Variants in PDGFRL observed in about 807,000 individuals in gnomAD.
The protein encoded by PDGFRL is platelet derived growth factor receptor like, also known as platelet-derived growth factor receptor-like protein.
PDGFRL carries 46 observed loss-of-function variants against 37.2 expected under a neutral mutation model. The ratio of observed to expected loss-of-function variants is 1.24; its 90% CI spans 0.98 to 1.58. The LOEUF is 1.58. Among genes scored for constraint, PDGFRL ranks in the 40% most tolerant of loss-of-function variants. The probability of loss-of-function intolerance (pLI) is 0.00; values close to 1 mark genes in which losing one functional copy is unlikely to be tolerated. For synonymous variants in PDGFRL, 251 were observed against 184.3 expected (o/e 1.36, Z -2.93); for missense variants, 692 against 467.6 (o/e 1.48, Z -4.43).
In PDGFRL at chr8:17,589,565, A is replaced by G; in HGVS notation, c.153A>G (p.Lys51=). ...AGAAGGTGAAGCCCAAAATTCCTAA[A>G]ATGAAGGACAGGGACTCAGCCAATT... ...TNKKVKPKIP[K]MKDRDSANSA... Residue 51 remains lysine, a synonymous_variant, in exon 2 of 6, where the codon AAA becomes AAG. Transcript: ENST00000251630. 1 of 1,613,824 alleles carries G rather than the reference A, an allele frequency of 6.2e-7. No individual in the cohort carries two copies.
At chr8:17,624,798 C>G (rs895043989) in intron 3 of PDGFRL, among the ~76,000 whole-genome samples, 5 of 152,090 alleles carry the variant, frequency 3.3e-5, no homozygotes, top group Non-Finnish European at 5.9e-5. Flanking sequence ...ATTCCAGCTA[C>G]TCGGGAGGCT....
chr8:17,578,481 G>T (rs1185670551), intron 1 of PDGFRL, among the ~76,000 whole-genome samples: 4 of 152,226 alleles, frequency 2.6e-5, no homozygotes, highest in African/African-American at 9.6e-5. Flanking sequence ...TACTGGGAGA[G>T]TAACACTTAA....
In PDGFRL at chr8:17,604,197, A is replaced by C. The variant is rs186840741; in HGVS notation, c.353+14432A>C. Among the ~76,000 whole-genome samples, 55 of 152,328 alleles carry C rather than the reference A, an allele frequency of 3.6e-4. No homozygotes were observed. The East Asian group carries it at 9.8e-3, about 27-fold the overall frequency. ...TGTGGCGATTCCTCAGGGATCTAGA[A>C]CTAGAAATACCATTTGACCCAGCCA... On this transcript the variant is annotated intron_variant, in intron 2 of 5. Transcript: ENST00000251630.
intron 2 of PDGFRL, among the ~76,000 whole-genome samples, chr8:17,602,318 G>A (rs987970111): frequency 6.6e-6 from 1 of 152,206 alleles, no homozygotes; most frequent in Non-Finnish European, 1.5e-5. Context: ...AGAGGGACAA[G>A]CTGGCAAGTG....
Position 17,628,670 on chromosome 8 carries a change from G to A in PDGFRL, c.689G>A (p.Gly230Asp), listed in dbSNP as rs376947458. The change falls in exon 4 of 6, where the codon GGC becomes GAC. Residue 230 changes from glycine to aspartate, a missense_variant. Gly to Asp is a moderately conservative substitution (Grantham distance 94). Transcript: ENST00000251630. ...GACATTGTTTATGACATGAAGCGGG[G>A]CTTTGTGTATCTGCAACCTCATTCC... ...GTDIVYDMKR[G>D]FVYLQPHSEH... The A allele has an allele frequency of 6.2e-7, 1 of 1,614,028 alleles. No homozygotes were observed. Among genetic ancestry groups the A allele is most frequent in the African/African-American group, 1.3e-5 (1 of 74,936 alleles).
At chr8:17,628,342 T>G (rs1224958376) in intron 3 of PDGFRL, 145 bp from the exon 4 acceptor site, 1 of 640,628 alleles carries the variant, frequency 1.6e-6, no homozygotes, top group Non-Finnish European at 2.8e-6. Context: ...TTCCAAAAAA[T>G]GAAAAGCATT....
At chr8:17,580,493 A>G (rs957530045) in intron 1 of PDGFRL, among the ~76,000 whole-genome samples, 4 of 143,588 alleles carry the variant, frequency 2.8e-5, no homozygotes, top group Non-Finnish European at 6.1e-5. Flanking sequence ...CAGAAAGAGA[A>G]AAGTTTGAGG....
intron 3 of PDGFRL, 72 bp from the exon 4 acceptor site, chr8:17,628,415 C>A (rs1804780865): frequency 8.1e-7 from 1 of 1,240,402 alleles, no homozygotes; most frequent in Non-Finnish European, 1.2e-6. Flanking sequence ...GAGTATGCTG[C>A]CAAAATCCTT....
chr8:17,590,627 G>A (rs1018172407), intron 2 of PDGFRL, among the ~76,000 whole-genome samples: 2 of 151,786 alleles, frequency 1.3e-5, no homozygotes, highest in African/African-American at 2.4e-5. Context: ...CAGAAGAGTC[G>A]CTTGAACCCG....
intron 1 of PDGFRL, among the ~76,000 whole-genome samples, chr8:17,577,768 C>G (rs1294053386): frequency 1.3e-5 from 2 of 151,600 alleles, no homozygotes; most frequent in Non-Finnish European, 2.9e-5. Flanking sequence ...TGACCTCCCC[C>G]TCCCCTCGCA....
At chr8:17,581,307 C>G (rs1017174394) in intron 1 of PDGFRL, among the ~76,000 whole-genome samples, 1 of 152,134 alleles carries the variant, frequency 6.6e-6, no homozygotes, top group Admixed American at 6.5e-5. Context: ...GGGCTTGTAC[C>G]GGTTGCCAGT....
chr8:17,637,853 T>C (rs898758116), intron 5 of PDGFRL, among the ~76,000 whole-genome samples: 1 of 152,166 alleles, frequency 6.6e-6, no homozygotes, highest in African/African-American at 2.4e-5. Context: ...AGCTTGAGTA[T>C]GTAAAGCTGT....
At chr8:17,612,392 G>C (rs1275551063) in intron 2 of PDGFRL, among the ~76,000 whole-genome samples, 1 of 149,758 alleles carries the variant, frequency 6.7e-6, no homozygotes, top group Admixed American at 6.7e-5. Context: ...CTTTTTTTGA[G>C]ACAGTGTCTC....
intron 4 of PDGFRL, among the ~76,000 whole-genome samples, chr8:17,629,232 C>T (rs1483101425): frequency 6.6e-6 from 1 of 152,004 alleles, no homozygotes; most frequent in Non-Finnish European, 1.5e-5. Flanking sequence ...GCTCGGCCCA[C>T]TTATGCCGTT....
intron 2 of PDGFRL, among the ~76,000 whole-genome samples, chr8:17,615,359 G>A (rs1261708245): frequency 6.6e-6 from 1 of 152,050 alleles, no homozygotes; most frequent in Non-Finnish European, 1.5e-5. Flanking sequence ...TTTACAAGCT[G>A]TTAGAGGTGC....
chr8:17,626,455 C>G (rs946367298), intron 3 of PDGFRL, among the ~76,000 whole-genome samples: 1 of 152,162 alleles, frequency 6.6e-6, no homozygotes, highest in Non-Finnish European at 1.5e-5. Context: ...TGTTAGTGAA[C>G]TTGGTACTTA....
chr8:17,641,416 A>T (rs1040914075), intron 5 of PDGFRL, among the ~76,000 whole-genome samples: 2 of 152,092 alleles, frequency 1.3e-5, no homozygotes, highest in Admixed American at 1.3e-4. Flanking sequence ...CTGTGAGACA[A>T]AGTCAGAAAT....
chr8:17,602,896 T>G (rs545541444), intron 2 of PDGFRL, among the ~76,000 whole-genome samples: 6 of 152,376 alleles, frequency 3.9e-5, no homozygotes, highest in Admixed American at 3.3e-4. Flanking sequence ...TATGGTCCTT[T>G]CAGCCTTTCA....
rs188137176 is a variant in PDGFRL at position 17,627,727 on chromosome 8, C to T, written c.506-760C>T. 8.6e-3 allele frequency among the ~76,000 whole-genome samples: 1,300 copies of T among 151,910 alleles called. 25 individuals carry two copies. Among genetic ancestry groups the T allele is most frequent in the African/African-American group, 0.03 (1,241 of 41,416 alleles). ...CTGAGCTCAGGAGATCCACCCGCCTCGGCCTCCCAAAGTGCTAGGATTACA... is the reference window on the plus strand; with the variant it reads ...CTGAGCTCAGGAGATCCACCCGCCTTGGCCTCCCAAAGTGCTAGGATTACA... On this transcript the variant is annotated intron_variant, in intron 3 of 5. Transcript: ENST00000251630.
Sources: gnomAD v4.1 joint callset for allele counts (sites outside exome capture counted in the v4.1 genomes callset) on GRCh38, gnomAD v4.1.1 for gene constraint, MANE v1.5 for transcripts, NCBI Gene and HGNC (gene_info 2026-07-23, HGNC 2026-07-21) for gene names.